Variants in PDLIM2 observed in about 807,000 individuals in gnomAD.
PDLIM2 encodes the protein PDZ and LIM domain 2, also known as PDZ and LIM domain protein 2.
Under a neutral mutation model 54.1 loss-of-function variants are expected in PDLIM2, and 51 were observed. That is an observed-to-expected ratio of 0.94 (90% CI 0.75 to 1.19). The LOEUF (loss-of-function observed/expected upper bound fraction) is 1.19, where lower values mean the gene tolerates loss of function less well. Ranked by LOEUF, PDLIM2 falls within the 50% of genes most tolerant of loss-of-function variation. The pLI is 0.00. For missense variants in PDLIM2, 912 were observed against 874.0 expected, an observed-to-expected ratio of 1.04 and a Z score of -0.55; for synonymous variants, 398 against 385.6, an observed-to-expected ratio of 1.03 and a Z score of -0.38.
downstream of PDLIM2, chr8:22,596,714 C>A (rs759614513): frequency 1.3e-5 from 2 of 152,230 alleles, no homozygotes; most frequent in African/African-American, 2.4e-5. Context: ...GGGAAAGTGA[C>A]TTTTCCAAAG....
chr8:22,589,164 G>GGC, intron 6 of PDLIM2, 134 bp from the exon 6 acceptor site: 1 of 837,170 alleles, frequency 1.2e-6, no homozygotes, highest in Non-Finnish European at 1.9e-6. Context: ...CAAGGGAAGG[G>GGC]GCAGGGGTCC....
chr8:22,587,706 T>A (rs1800418463), intron 6 of PDLIM2: 1 of 152,382 alleles, frequency 6.6e-6, no homozygotes, highest in South Asian at 2.1e-4. Flanking sequence ...AAAGACATTG[T>A]CTCTCCCAGT....
downstream of PDLIM2, chr8:22,594,962 G>T: frequency 4.1e-6 from 1 of 242,174 alleles, no homozygotes; most frequent in Non-Finnish European, 8.1e-6. Flanking sequence ...CATGTGGCCA[G>T]TGCCAGGTGA....
intron 8 of PDLIM2, 82 bp from the exon 8 acceptor site, chr8:22,591,469 C>A: frequency 7.6e-7 from 1 of 1,312,768 alleles, no homozygotes; most frequent in Non-Finnish European, 1.1e-6. Flanking sequence ...GGGTGCTTTC[C>A]AAGACCACCT....
chr8:22,590,021 C>T, intron 8 of PDLIM2: 1 of 440,304 alleles, frequency 2.3e-6, no homozygotes, highest in East Asian at 4.2e-5. Flanking sequence ...GTGGCAGGGC[C>T]TGGGGCTGGG....
exon 10 of PDLIM2, chr8:22,593,918 A>G: frequency 6.5e-7 from 1 of 1,547,804 alleles, no homozygotes; most frequent in Non-Finnish European, 8.7e-7. Context: ...TGAGCCCGCC[A>G]TGCCCTCAGC....
In PDLIM2 at chr8:22,585,034, C is replaced by T. The variant is rs1481384231; in HGVS notation, c.1083C>T (p.Tyr361=). Residue 361 remains tyrosine, a synonymous_variant, in exon 5 of 10, where the codon TAC becomes TAT. Coordinates refer to ENST00000308354, the Ensembl canonical transcript of PDLIM2. ...CTCCACAGGGCTCCGTGAGGACATA[C>T]ACTGAGAGTCAGTCCTCCTTAAGGT... The T allele has an allele frequency of 1.2e-5, 20 of 1,613,864 alleles. No individual in the cohort carries two copies. The South Asian group carries it at 1.9e-4, about 15-fold the overall frequency.
chr8:22,579,688 G>C (rs1402830849), intron 1 of PDLIM2: 1 of 900,772 alleles, frequency 1.1e-6, no homozygotes, highest in Admixed American at 4.0e-5. Flanking sequence ...TGCGTCCCCA[G>C]GGCAGCCCCA....
intron 3 of PDLIM2, among the ~76,000 whole-genome samples, chr8:22,582,071 G>A (rs1800219647): frequency 2.6e-5 from 4 of 152,346 alleles, no homozygotes; most frequent in South Asian, 2.1e-4. Context: ...ATAAGCCAAG[G>A]TGGGGCCAGG....
chr8:22,579,798 G>A (rs1800137573), intron 1 of PDLIM2: 4 of 397,296 alleles, frequency 1.0e-5, no homozygotes, highest in Non-Finnish European at 1.8e-5. Context: ...ATCCCACAGG[G>A]GTCTGTCTGC....
chr8:22,584,721 A>T, intron 3 of PDLIM2, 100 bp from the exon 3 acceptor site: 2 of 1,103,698 alleles, frequency 1.8e-6, no homozygotes, highest in Non-Finnish European at 2.7e-6. Context: ...TGTAGCTTTT[A>T]CTGGTGTTGA....
At chr8:22,578,779 G>T (rs1800104852) in exon 1 of PDLIM2, 1 of 1,234,036 alleles carries the variant, frequency 8.1e-7, no homozygotes, top group Non-Finnish European at 1.0e-6. Flanking sequence ...AGGACCTGGG[G>T]ATGCGGGGCG....
At chr8:22,579,314 C>G in exon 1 of PDLIM2, 2 of 1,424,852 alleles carry the variant, frequency 1.4e-6, no homozygotes, top group South Asian at 1.4e-5. Context: ...GAACCCTGGC[C>G]TCGTCCGCGG....
exon 1 of PDLIM2, chr8:22,579,142 A>ACGGCAG (rs1282333566): frequency 7.6e-7 from 1 of 1,315,840 alleles, no homozygotes; most frequent in Non-Finnish European, 9.6e-7. Context: ...AGTCGGGTAG[A>ACGGCAG]CGGCAGCGGG....
intron 2 of PDLIM2, chr8:22,581,043 A>G (rs2117336059): frequency 1.5e-6 from 1 of 659,166 alleles, no homozygotes; most frequent in Non-Finnish European, 2.9e-6. Flanking sequence ...GGCTGGGAAC[A>G]TTCACAGGAG....
At chr8:22,585,464 A>T (rs1800347448) in intron 6 of PDLIM2, 65 bp downstream of exon 5, 2 of 1,498,210 alleles carry the variant, frequency 1.3e-6, no homozygotes, top group South Asian at 2.4e-5. Flanking sequence ...GTGGGTTGCC[A>T]GTGCCCCGGG....
At chr8:22,579,373 G>T in exon 1 of PDLIM2, 1 of 1,490,624 alleles carries the variant, frequency 6.7e-7, no homozygotes, top group Non-Finnish European at 8.9e-7. Flanking sequence ...CGCGAGCTGC[G>T]CTCTCCCCGG....
chr8:22,591,064 G>C, intron 8 of PDLIM2: 1 of 199,144 alleles, frequency 5.0e-6, no homozygotes, highest in East Asian at 1.7e-4. Flanking sequence ...GCAGCACAGG[G>C]AGAGAGCAGT....
intron 3 of PDLIM2, among the ~76,000 whole-genome samples, chr8:22,582,324 C>T (rs1800226680): frequency 6.6e-6 from 1 of 152,206 alleles, no homozygotes; most frequent in Non-Finnish European, 1.5e-5. Flanking sequence ...AAGCCGGCTC[C>T]CTTCATGTCA....
Sources: allele counts gnomAD v4.1 joint callset (sites outside exome capture counted in the v4.1 genomes callset), GRCh38; gene constraint gnomAD v4.1.1; transcripts MANE v1.5; gene names NCBI Gene and HGNC (gene_info 2026-07-23, HGNC 2026-07-21).